ZNF808: variants seen among roughly 807,000 people sequenced by gnomAD.
The protein encoded by ZNF808 is zinc finger protein 808.
A neutral mutation model predicts 8.7 loss-of-function variants in ZNF808; 5 were observed. The observed-to-expected ratio is 0.58, with a 90% CI of 0.30 to 1.21. The LOEUF (loss-of-function observed/expected upper bound fraction) is 1.21. Ranked by LOEUF, ZNF808 falls within the 50% of genes most tolerant of loss-of-function variation. The pLI is 0.07. For synonymous variants in ZNF808, 380 were observed against 366.0 expected, an observed-to-expected ratio of 1.04 and a Z score of -0.44; for missense variants, 1,103 against 1,098.4, an observed-to-expected ratio of 1.00 and a Z score of -0.06.
At position 52,556,099 on chromosome 19, in the gene ZNF808, G is replaced by A; in HGVS notation, c.*471G>A. ...ATTAATTGACATTGGAGTCAATTCA[G>A]CATTGACTTGAGTTTGTGTTGACTT... is the stretch of plus-strand genomic sequence containing the variant. On this transcript the variant is annotated 3_prime_UTR_variant, in exon 5 of 5. Transcript: ENST00000359798. 1 of 413,228 alleles carries A rather than the reference G, an allele frequency of 2.4e-6. No homozygotes were observed. The highest frequency in any genetic ancestry group is 2.0e-5 in the South Asian group (1 of 50,786). The allele number at this position is 413,228 out of a possible 1,614,324, so 25.6% of individuals were successfully genotyped here.
chr19:52,550,986 T>C (rs747901631), intron 4 of ZNF808, among the ~76,000 whole-genome samples: 20 of 152,040 alleles, frequency 1.3e-4, no homozygotes, highest in Non-Finnish European at 2.2e-4. Context: ...TTTGAAAGGC[T>C]GAGGTGGGTA....
intron 4 of ZNF808, among the ~76,000 whole-genome samples, chr19:52,549,726 C>A (rs1013565935): frequency 6.6e-6 from 1 of 152,118 alleles, no homozygotes; most frequent in Admixed American, 6.6e-5. Context: ...CTGGCCTTGA[C>A]TCACATGATA....
chr19:52,554,880 A>T lies in ZNF808; in HGVS notation c.1964A>T (p.Glu655Val). The change falls in exon 5 of 5, where the codon GAG becomes GTG. Residue 655 changes from glutamate (E) to valine (V), a missense_variant. Glu to Val is a moderately radical substitution (Grantham distance 121, BLOSUM62 -2). Coordinates refer to ENST00000359798, the MANE Select transcript of ZNF808 (RefSeq NM_001039886.4). ...HTGEKTYKCN[E>V]CGKTFSYKSS... is the part of the protein sequence containing the mutation. ...GGAGAAAAAACTTACAAGTGTAATG[A>T]GTGTGGGAAGACCTTCAGTTACAAG... 2 of 1,614,248 alleles carry T rather than the reference A, an allele frequency of 1.2e-6. No individual in the cohort carries two copies.
intron 1 of ZNF808, among the ~76,000 whole-genome samples, chr19:52,531,339 G>T (rs1018989850): frequency 2.0e-5 from 3 of 151,760 alleles, no homozygotes; most frequent in African/African-American, 7.3e-5. Context: ...TGTAGGTGTG[G>T]TGGCGCGTGG....
intron 2 of ZNF808, among the ~76,000 whole-genome samples, chr19:52,536,964 A>G (rs1334904235): frequency 1.3e-5 from 2 of 151,992 alleles, no homozygotes; most frequent in Non-Finnish European, 2.9e-5. Flanking sequence ...AGGCGGGCGG[A>G]TCACCTGAGA....
intron 3 of ZNF808, among the ~76,000 whole-genome samples, chr19:52,546,131 A>G (rs1440954735): frequency 6.6e-6 from 1 of 151,860 alleles, no homozygotes; most frequent in African/African-American, 2.4e-5. Flanking sequence ...AGAACAGTGT[A>G]TAGCACATGG....
At chr19:52,550,005 C>T (rs1209832953) in intron 4 of ZNF808, among the ~76,000 whole-genome samples, 2 of 151,960 alleles carry the variant, frequency 1.3e-5, no homozygotes, top group Non-Finnish European at 2.9e-5. Flanking sequence ...CCTTTGTATC[C>T]CCCTTGATGT....
At chr19:52,551,928 A>G (rs1297513175) in intron 4 of ZNF808, among the ~76,000 whole-genome samples, 2 of 152,134 alleles carry the variant, frequency 1.3e-5, no homozygotes, top group Non-Finnish European at 1.5e-5. Flanking sequence ...ACTTCAACCC[A>G]GCAGGCAGAG....
chr19:52,540,044 C>G (rs1223480320), intron 2 of ZNF808, among the ~76,000 whole-genome samples: 4 of 151,950 alleles, frequency 2.6e-5, no homozygotes, highest in African/African-American at 9.7e-5. Context: ...TATTGAGACT[C>G]TCTGTCACCC....
chr19:52,559,605 C>G (rs530481479), downstream of ZNF808, among the ~76,000 whole-genome samples: 2 of 152,324 alleles, frequency 1.3e-5, no homozygotes, highest in African/African-American at 4.8e-5. Context: ...TCTCAAATCT[C>G]TCCGTTCCAC....
intron 3 of ZNF808, among the ~76,000 whole-genome samples, chr19:52,562,784 T>C (rs894663950): frequency 3.9e-5 from 6 of 152,158 alleles, no homozygotes; most frequent in African/African-American, 1.4e-4. Flanking sequence ...CAATTCTTTT[T>C]TTTTTTGGAG....
At chr19:52,544,523 GT>G (rs2059702765) in intron 3 of ZNF808, among the ~76,000 whole-genome samples, 1 of 152,012 alleles carries the variant, frequency 6.6e-6, no homozygotes, top group African/African-American at 2.4e-5. Flanking sequence ...TTGAGACGGG[GT>G]TTCATCATGT....
intron 3 of ZNF808, among the ~76,000 whole-genome samples, chr19:52,545,993 G>C (rs1371878406): frequency 6.6e-6 from 1 of 152,166 alleles, no homozygotes; most frequent in Non-Finnish European, 1.5e-5. Context: ...TTCAGTGCTT[G>C]TGTTGACATT....
In ZNF808 at chr19:52,541,086, G is replaced by A. The variant is rs1316577349; in HGVS notation, c.-19-2180G>A. On this transcript the variant is annotated intron_variant, in intron 2 of 4. Transcript: ENST00000359798. The stretch of plus-strand genomic sequence containing the variant: ...TTTGCCTCAGCCTCCTGAGTAGCAG[G>A]GACTACAGGCCCCCGCCACCACGCC... 2.0e-5 allele frequency among the ~76,000 whole-genome samples: 3 copies of A among 151,948 alleles called. No individual in the cohort carries two copies. The East Asian group carries it at 5.8e-4, about 29-fold the overall frequency.
chr19:52,540,394 A>G (rs1350607098), intron 2 of ZNF808, among the ~76,000 whole-genome samples: 4 of 152,112 alleles, frequency 2.6e-5, no homozygotes, highest in African/African-American at 7.2e-5. Flanking sequence ...TAACCATTTT[A>G]AAATTGTTTC....
chr19:52,544,769 G>T (rs1477319731), intron 3 of ZNF808, among the ~76,000 whole-genome samples: 3 of 152,098 alleles, frequency 2.0e-5, no homozygotes, highest in Non-Finnish European at 4.4e-5. Flanking sequence ...CCAAATGGGA[G>T]ACAGCCAGCT....
chr19:52,536,847 G>A (rs2608527), intron 2 of ZNF808, among the ~76,000 whole-genome samples: 57,242 of 151,836 alleles, frequency 0.38, 12,339 homozygotes, highest in African/African-American at 0.58. Flanking sequence ...GCGGTAATAT[G>A]TAGAGATTGA....
At chr19:52,529,716 A>G (rs537490049) in intron 1 of ZNF808, among the ~76,000 whole-genome samples, 22 of 152,014 alleles carry the variant, frequency 1.4e-4, no homozygotes, top group Non-Finnish European at 8.8e-5. Context: ...TAATACTTTT[A>G]ATTTAATTAA....
intron 2 of ZNF808, among the ~76,000 whole-genome samples, chr19:52,539,274 A>G (rs925258846): frequency 2.7e-4 from 39 of 146,406 alleles, no homozygotes; most frequent in Admixed American, 3.5e-4. Flanking sequence ...ACTCACTGCA[A>G]CCTCTGCCTC....
Sources: gnomAD v4.1 joint callset for allele counts (sites outside exome capture counted in the v4.1 genomes callset) on GRCh38, gnomAD v4.1.1 for gene constraint, MANE v1.5 for transcripts, NCBI Gene and HGNC (gene_info 2026-07-23, HGNC 2026-07-21) for gene names.